Variants in RSKR observed in about 807,000 individuals in gnomAD.
RSKR encodes the protein ribosomal protein S6 kinase-related protein.
A neutral mutation model predicts 56.8 loss-of-function variants in RSKR; 44 were observed. That is an observed-to-expected ratio of 0.77 (90% confidence interval 0.61 to 1.00). The LOEUF (loss-of-function observed/expected upper bound fraction) is 1.00. RSKR is among the 50% of genes least tolerant of loss of function. RSKR has a pLI of 0.00. For synonymous variants in RSKR, 181 were observed against 188.0 expected (o/e 0.96, Z 0.30); for missense variants, 510 against 506.9 (o/e 1.01, Z -0.06).
chr17:28,613,110 C>T lies in RSKR; in HGVS notation c.445G>A (p.Val149Met), dbSNP rs749380342. ...CTAACCTCCTCTTTGCACTGCCTCA[C>T]GGTATCCCTCTGTAGGACCTTTACC... The part of the protein sequence containing the change: ...PKVKVLQRDT[V>M]RQCKEEVSIQ... The change falls in exon 4 of 12, where the codon GTG becomes ATG. Residue 149 changes from valine to methionine, a missense_variant. Transcript: ENST00000301037. The T allele has an allele frequency of 2.2e-5, 35 of 1,613,976 alleles. No individual in the cohort carries two copies. In the East Asian group the frequency reaches 4.5e-4, roughly 21 times the overall value.
In RSKR at chr17:28,614,085, A is replaced by T. The variant is rs1202501964; in HGVS notation, c.75+2T>A. ...GTAGGCTGCCAGAGCCCCACAGCCT[A>T]CCTTGTGAGGGACAGCCACCCGGGT... is the stretch of plus-strand genomic sequence containing the variant. On this transcript the variant is annotated splice_donor_variant, in intron 1 of 11. Coordinates refer to ENST00000301037, the MANE Select transcript of RSKR (RefSeq NM_001174103.2). LOFTEE classifies it high-confidence loss of function. 6 of 1,612,786 alleles carry T rather than the reference A, an allele frequency of 3.7e-6. No homozygotes were observed. Among genetic ancestry groups the T allele is most frequent in the Non-Finnish European group, 4.2e-6 (5 of 1,179,430 alleles).
At chr17:28,611,839 ACT>A (rs756210215) in intron 7 of RSKR, 44 bp from the exon 8 acceptor site, 59 of 1,613,604 alleles carry the variant, frequency 3.7e-5, no homozygotes, top group African/African-American at 1.3e-4. Context: ...CTTCCTTTCA[ACT>A]CTCTTTCATC....
Position 28,613,755 on chromosome 17 carries a change from T to C in RSKR, c.76-67A>G, listed in dbSNP as rs557466452. The C allele has an allele frequency of 4.4e-6, 7 of 1,592,660 alleles. No homozygotes were observed. The African/African-American group carries it at 8.1e-5, about 18-fold the overall frequency. Reference sequence around the variant, plus strand: ...GCATAGCAGGTTCCACCCATCTTACTAGGCACTCCCTCCCCTTAAGTCTCA... The same window carrying C: ...GCATAGCAGGTTCCACCCATCTTACCAGGCACTCCCTCCCCTTAAGTCTCA... On this transcript the variant is annotated intron_variant, in intron 1 of 11. Transcript: ENST00000301037.
rs1382883753 is a variant in RSKR at position 28,608,332 on chromosome 17, A to AC, written c.*2145dup. 1 of 152,124 alleles carries AC rather than the reference A, an allele frequency of 6.6e-6. No homozygotes were observed. Among genetic ancestry groups the AC allele is most frequent in the East Asian group, 1.9e-4 (1 of 5,198 alleles). 9.4% of individuals were successfully genotyped at this position (152,124 alleles called of 1,614,324 possible). On this transcript the variant is annotated 3_prime_UTR_variant, in exon 12 of 12. Transcript: ENST00000301037. ...AATATTATGAACTGTTACGATAAACACCCTTTACAGTATCCACAGCAATTA... is the reference window on the plus strand; with the variant it reads ...AATATTATGAACTGTTACGATAAACACCCCTTTACAGTATCCACAGCAATTA...
intron 2 of RSKR, 28 bp from the exon 3 acceptor site, chr17:28,613,373 G>C: frequency 6.2e-7 from 1 of 1,614,190 alleles, no homozygotes. Flanking sequence ...GAACAGGCCA[G>C]TTGAGACTGG....
chr17:28,611,389 T>C lies in RSKR; in HGVS notation c.900+4A>G. 6.4e-7 allele frequency: 1 copy of C among 1,574,490 alleles called. No homozygotes were observed. Among genetic ancestry groups the C allele is most frequent in the African/African-American group, 1.3e-5 (1 of 74,340 alleles). On this transcript the variant is annotated splice_donor_region_variant and intron_variant, in intron 10 of 11. Transcript: ENST00000301037. Reference sequence around the variant, plus strand: ...TCTGCCCAAAACTACTACTATTCTCTCACCTTTCCAGTCGCCAGAGAGAAA... The same window carrying C: ...TCTGCCCAAAACTACTACTATTCTCCCACCTTTCCAGTCGCCAGAGAGAAA...
chr17:28,612,131 C>T, intron 6 of RSKR, 47 bp from the exon 7 acceptor site: 2 of 1,608,954 alleles, frequency 1.2e-6, no homozygotes, highest in Non-Finnish European at 8.5e-7. Flanking sequence ...CTGTCCTTTC[C>T]AGTTTCCCTA....
Position 28,609,033 on chromosome 17 carries a change from T to C in RSKR, c.*1445A>G, listed in dbSNP as rs1014333369. 1 of 98,990 alleles carries C rather than the reference T, an allele frequency of 1.0e-5. No individual in the cohort carries two copies. The highest frequency in any genetic ancestry group is 1.9e-5 in the Non-Finnish European group (1 of 51,730). The allele number at this position is 98,990 out of a possible 1,614,324, so 6.1% of individuals were successfully genotyped here. A position where few individuals can be genotyped will look rare whatever the true frequency, so the allele number is the denominator to read the frequency against. ...TGAGATATGTCTCTAACCTTAAATC[T>C]TTTTTTTTTTTTTTTTTTTTTTTTT... On this transcript the variant is annotated 3_prime_UTR_variant, in exon 12 of 12. Transcript: ENST00000301037.
chr17:28,610,445 T>A lies in RSKR; in HGVS notation c.*33A>T. 1 of 1,526,436 alleles carries A rather than the reference T, an allele frequency of 6.6e-7. No homozygotes were observed. The highest frequency in any genetic ancestry group is 8.8e-7 in the Non-Finnish European group (1 of 1,138,566). The allele number at this position is 1,526,436 out of a possible 1,614,324, so 94.6% of individuals were successfully genotyped here. Reference sequence around the variant, plus strand: ...TAGGCAGGGATGGAGATCTTCAGGCTCCCAGCCGGGCCCCAATTTACAGTA... The same window carrying A: ...TAGGCAGGGATGGAGATCTTCAGGCACCCAGCCGGGCCCCAATTTACAGTA... On this transcript the variant is annotated 3_prime_UTR_variant, in exon 12 of 12. Coordinates refer to ENST00000301037, the MANE Select transcript of RSKR (RefSeq NM_001174103.2).
chr17:28,613,107 T>C lies in RSKR; in HGVS notation c.448A>G (p.Arg150Gly), dbSNP rs1214985815. 1.2e-6 allele frequency: 2 copies of C among 1,614,032 alleles called. No individual in the cohort carries two copies. The highest frequency in any genetic ancestry group is 2.7e-5 in the African/African-American group (2 of 74,918). ...KVKVLQRDTV[R>G]QCKEEVSIQR... ...ATGCTAACCTCCTCTTTGCACTGCC[T>C]CACGGTATCCCTCTGTAGGACCTTT... Residue 150 changes from arginine (R) to glycine (G), a missense_variant, in exon 4 of 12, where the codon AGG (arginine) becomes GGG (glycine). Transcript: ENST00000301037.
rs1252532223 is a variant in RSKR at position 28,610,591 on chromosome 17, C to A, written c.1120G>T (p.Val374Leu). 1 of 1,536,002 alleles carries A rather than the reference C, an allele frequency of 6.5e-7. No homozygotes were observed. The highest frequency in any genetic ancestry group is 8.7e-7 in the Non-Finnish European group (1 of 1,146,906). Reference protein sequence around the residue: ...FDPELLQKQPVNFVTETQATQ... With the variant: ...FDPELLQKQPLNFVTETQATQ... ...GCTTGTGTCTCCGTGACAAAGTTCA[C>A]TGGCTGCTTCTGTAGGAGCTCTGGG... is the stretch of plus-strand genomic sequence containing the variant. Residue 374 changes from valine to leucine, a missense_variant, in exon 12 of 12, where the codon GTG (valine) becomes TTG (leucine). Physicochemically the swap from Val to Leu is conservative, Grantham distance 32. Transcript: ENST00000301037.
Position 28,611,402 on chromosome 17 carries a change from C to A in RSKR, c.891G>T (p.Ala297=). ...WSLGVLLFSL[A]TGKFPVAAER... ...ACTACTATTCTCTCACCTTTCCAGT[C>A]GCCAGAGAGAAAAGCAAGACACCCA... is the stretch of plus-strand genomic sequence containing the variant. The change falls in exon 10 of 12, where the codon GCG becomes GCT. Residue 297 remains alanine (A), a synonymous_variant. Transcript: ENST00000301037. The A allele has an allele frequency of 6.3e-7, 1 of 1,589,578 alleles. No homozygotes were observed. Among genetic ancestry groups the A allele is most frequent in the Non-Finnish European group, 8.5e-7 (1 of 1,173,870 alleles).
rs2070816349 is a variant in RSKR, at chr17:28,611,653, T to C, written c.725A>G (p.His242Arg). 2 of 1,592,216 alleles carry C rather than the reference T, an allele frequency of 1.3e-6. No individual in the cohort carries two copies. The highest frequency in any genetic ancestry group is 2.2e-5 in the East Asian group (1 of 44,846). ...MENILLDERG[H>R]LKLTDFGLSR... is the part of the protein sequence containing the mutation. ...CAGACCAAAGTCTGTCAGTTTCAGA[T>C]GGCCTATGAAAGAAGGTAAGGCAAC... Residue 242 changes from histidine (H) to arginine (R), a missense_variant, in exon 9 of 12, where the codon CAT becomes CGT. By Grantham distance (29) the His-to-Arg change is conservative. Transcript: ENST00000301037.
chr17:28,614,181 T>C lies in RSKR; in HGVS notation c.-20A>G. ...TCCCATTCCCAGCCTCTGCCTCCTC[T>C]CTCTGCTAAATCTGCTGTCCCAGTT... is the stretch of plus-strand genomic sequence containing the variant. On this transcript the variant is annotated 5_prime_UTR_variant, in exon 1 of 12. Coordinates refer to ENST00000301037, the MANE Select transcript of RSKR (RefSeq NM_001174103.2). 1 of 1,612,666 alleles carries C rather than the reference T, an allele frequency of 6.2e-7. No homozygotes were observed. The highest frequency in any genetic ancestry group is 8.5e-7 in the Non-Finnish European group (1 of 1,179,934).
Position 28,612,674 on chromosome 17 carries a change from T to C in RSKR, c.491A>G (p.His164Arg), listed in dbSNP as rs142973238. 2.5e-6 allele frequency: 4 copies of C among 1,614,074 alleles called. No individual in the cohort carries two copies. Among genetic ancestry groups the C allele is most frequent in the Non-Finnish European group, 3.4e-6 (4 of 1,180,034 alleles). The change falls in exon 5 of 12, where the codon CAT (histidine) becomes CGT (arginine). Residue 164 changes from histidine (H) to arginine (R), a missense_variant. His to Arg is a conservative substitution (Grantham distance 29). Coordinates refer to ENST00000301037, the MANE Select transcript of RSKR (RefSeq NM_001174103.2). The part of the protein sequence containing the change: ...EEVSIQRQIN[H>R]PFVHSLGDSW... ...GTCCCCCAAGCTGTGTACAAAGGGATGGTTGATCTGTCGCTAGGAACAAAG... is the reference window on the plus strand; with the variant it reads ...GTCCCCCAAGCTGTGTACAAAGGGACGGTTGATCTGTCGCTAGGAACAAAG...
Position 28,613,537 on chromosome 17 carries a change from A to G in RSKR, c.227T>C (p.Val76Ala). The G allele has an allele frequency of 6.2e-7, 1 of 1,614,172 alleles. No homozygotes were observed. Among genetic ancestry groups the G allele is most frequent in the Non-Finnish European group, 8.5e-7 (1 of 1,180,016 alleles). ...QESLKPAPVLVEKPLPEWPVP... is the reference protein window; with the variant it reads ...QESLKPAPVLAEKPLPEWPVP... Reference sequence around the variant, plus strand: ...TGGCCACTCTGGCAGAGGCTTCTCTACCAGTACTGGGGCTGGCTTTAGGGA... The same window carrying G: ...TGGCCACTCTGGCAGAGGCTTCTCTGCCAGTACTGGGGCTGGCTTTAGGGA... Residue 76 changes from valine (V) to alanine (A), a missense_variant, in exon 2 of 12, where the codon GTA (valine) becomes GCA (alanine). Val to Ala is a moderately conservative substitution (Grantham distance 64). Coordinates refer to ENST00000301037, the MANE Select transcript of RSKR (RefSeq NM_001174103.2).
chr17:28,611,856 A>G (rs942277985), intron 7 of RSKR, 61 bp from the exon 8 acceptor site: 10 of 1,613,442 alleles, frequency 6.2e-6, no homozygotes, highest in African/African-American at 1.3e-5. Flanking sequence ...TTCATCATGT[A>G]TACACCCCAG....
rs1227636995 is a variant in RSKR, at chr17:28,612,602, G to A, written c.547+16C>T. The A allele has an allele frequency of 1.2e-6, 2 of 1,613,316 alleles. No homozygotes were observed. Among genetic ancestry groups the A allele is most frequent in the Non-Finnish European group, 1.7e-6 (2 of 1,179,404 alleles). ...ACAAAGACCCTGGGGGATGAGGAGA[G>A]AGTCCAGTCACTCACTAATGAAAAG... On this transcript the variant is annotated intron_variant, in intron 5 of 11. Transcript: ENST00000301037.
chr17:28,611,560 C>T lies in RSKR; in HGVS notation c.811+7G>A. On this transcript the variant is annotated splice_region_variant and intron_variant, in intron 9 of 11. Coordinates refer to ENST00000301037, the MANE Select transcript of RSKR (RefSeq NM_001174103.2). ...AATGCTTACCCATCAGCTTTAACCT[C>T]TCTCACCCATGTACTGAAGAGTGCC... is the stretch of plus-strand genomic sequence containing the variant. The T allele has an allele frequency of 1.3e-6, 2 of 1,555,988 alleles. No homozygotes were observed. Among genetic ancestry groups the T allele is most frequent in the Non-Finnish European group, 1.7e-6 (2 of 1,153,586 alleles).
Sources: gnomAD v4.1 joint callset for allele counts on GRCh38, gnomAD v4.1.1 for gene constraint, MANE v1.5 for transcripts, NCBI Gene and HGNC (gene_info 2026-07-23, HGNC 2026-07-21) for gene names.